The following WRAP53 variants were observed in gnomAD, a reference collection of about 807,000 sequenced individuals.
WRAP53 encodes the protein WD repeat containing antisense to TP53.
In WRAP53, 28 loss-of-function variants were observed where a neutral mutation model predicts 56.6. The ratio of observed to expected loss-of-function variants is 0.50; its 90% CI spans 0.37 to 0.68. WRAP53 has a LOEUF of 0.68. Ranked by LOEUF, WRAP53 falls within the 30% of genes least tolerant of loss-of-function variation. The pLI is 0.00. For missense variants in WRAP53, 671 were observed against 715.5 expected, an observed-to-expected ratio of 0.94 and a Z score of 0.71; for synonymous variants, 283 against 283.4, an observed-to-expected ratio of 1.00 and a Z score of 0.01.
Position 7,702,251 on chromosome 17 carries a change from T to G in WRAP53, c.956-93T>G. 2.2e-6 allele frequency: 3 copies of G among 1,341,274 alleles called. No individual in the cohort carries two copies. The highest frequency in any genetic ancestry group is 3.2e-6 in the Non-Finnish European group (3 of 935,734). 83.1% of individuals were successfully genotyped at this position (1,341,274 alleles called of 1,614,324 possible). On this transcript the variant is annotated intron_variant, in intron 7 of 10. Coordinates refer to ENST00000396463, the MANE Select transcript of WRAP53 (RefSeq NM_001143992.2). This position sits in a 1 kb window ranked among gnomAD's most constrained non-coding sequence, Gnocchi z 5.0. ...ATGGGGGGGATGTTGAGTCCAAGCA[T>G]GTTGGTGCTGGGACGGGAGACAGAC...
intron 4 of WRAP53, among the ~76,000 whole-genome samples, chr17:7,699,426 T>C (rs2074227729): frequency 1.0e-5 from 1 of 99,026 alleles, no homozygotes; most frequent in Non-Finnish European, 2.0e-5. Flanking sequence ...CCTTTAAAAT[T>C]AAAAAAAAAA....
Position 7,689,772 on chromosome 17 carries a change from G to A in WRAP53, c.642+71G>A, listed in dbSNP as rs2074084527. On this transcript the variant is annotated intron_variant, in intron 4 of 10. Coordinates refer to ENST00000396463, the MANE Select transcript of WRAP53 (RefSeq NM_001143992.2). Reference sequence around the variant, plus strand: ...AGTCCTTCGTGGAGATGGAAAAAGTGTAGTCCAAGTGTTTCCTGTTCACAA... The same window carrying A: ...AGTCCTTCGTGGAGATGGAAAAAGTATAGTCCAAGTGTTTCCTGTTCACAA... 5.5e-6 allele frequency: 7 copies of A among 1,267,286 alleles called. No individual in the cohort carries two copies. The Admixed American group carries it at 7.5e-5, about 14-fold the overall frequency. 78.5% of individuals were successfully genotyped at this position (1,267,286 alleles called of 1,614,324 possible). A position where few individuals can be genotyped will look rare whatever the true frequency, so the allele number is the denominator to read the frequency against.
chr17:7,686,865 A>T (rs555250750), upstream of WRAP53: 6 of 153,502 alleles, frequency 3.9e-5, no homozygotes, highest in South Asian at 1.2e-3. Flanking sequence ...TCCAGGAAGG[A>T]CAAAGGTCCG....
In WRAP53 at chr17:7,703,348, C is replaced by G. The variant is rs1191339598; in HGVS notation, c.1509C>G (p.Leu503=). ...DEGEELGLPL[L]STRHVHLECR... ...GAGAGGAGCTGGGCCTTCCCTTGCT[C>G]TCCACGCGCCACGTCCACCTTGAAT... is the stretch of plus-strand genomic sequence containing the variant. Residue 503 remains leucine, a synonymous_variant, in exon 11 of 11, where the codon CTC becomes CTG. Coordinates refer to ENST00000396463, the MANE Select transcript of WRAP53 (RefSeq NM_001143992.2). 2.5e-6 allele frequency: 4 copies of G among 1,614,002 alleles called. No homozygotes were observed. The highest frequency in any genetic ancestry group is 1.7e-5 in the Admixed American group (1 of 60,014).
chr17:7,687,261 C>T (rs1399429387), upstream of WRAP53: 1 of 398,236 alleles, frequency 2.5e-6, no homozygotes, highest in African/African-American at 2.1e-5. Flanking sequence ...CACCCCCAAA[C>T]TCGCTAAGTC....
chr17:7,703,473 G>C lies in WRAP53; in HGVS notation c.1634G>C (p.Gly545Ala). ...KGQGGTEGGV[G>A]ELI ...CAGGGAGGAACGGAGGGAGGTGTGG[G>C]TGAGCTGATATAAAAAGGTTTTTAT... is the stretch of plus-strand genomic sequence containing the variant. The change falls in exon 11 of 11, where the codon GGT becomes GCT. Residue 545 changes from glycine to alanine, a missense_variant. Gly to Ala is a moderately conservative substitution (Grantham distance 60). Around this residue, in one of 3 missense-constraint regions of WRAP53, gnomAD observed 107 missense variants for 81.3 expected, o/e 1.32. Coordinates refer to ENST00000396463, the MANE Select transcript of WRAP53 (RefSeq NM_001143992.2). 1 of 1,613,250 alleles carries C rather than the reference G, an allele frequency of 6.2e-7. No individual in the cohort carries two copies.
At chr17:7,692,338 G>C (rs1377780390) in intron 4 of WRAP53, among the ~76,000 whole-genome samples, 4 of 151,706 alleles carry the variant, frequency 2.6e-5, no homozygotes, top group Non-Finnish European at 5.9e-5. Context: ...AATTAGTTGG[G>C]GCTGGGTGCG....
In WRAP53 at chr17:7,702,225, C is replaced by T. The variant is rs1158808545; in HGVS notation, c.956-119C>T. 8 of 1,080,460 alleles carry T rather than the reference C, an allele frequency of 7.4e-6. No individual in the cohort carries two copies. Among genetic ancestry groups the T allele is most frequent in the Non-Finnish European group, 1.1e-5 (8 of 713,178 alleles). The allele number at this position is 1,080,460 out of a possible 1,614,324, so 66.9% of individuals were successfully genotyped here. Reference sequence around the variant, plus strand: ...TCTTTGTCCTGCTTGTGACAGACAGCATGGGGGGGATGTTGAGTCCAAGCA... The same window carrying T: ...TCTTTGTCCTGCTTGTGACAGACAGTATGGGGGGGATGTTGAGTCCAAGCA... On this transcript the variant is annotated intron_variant, in intron 7 of 10. Coordinates refer to ENST00000396463, the MANE Select transcript of WRAP53 (RefSeq NM_001143992.2). This position sits in a 1 kb window ranked among gnomAD's most constrained non-coding sequence, Gnocchi z 5.0.
At chr17:7,698,866 A>G (rs1014554968) in intron 4 of WRAP53, among the ~76,000 whole-genome samples, 3 of 145,828 alleles carry the variant, frequency 2.1e-5, no homozygotes, top group African/African-American at 8.1e-5. Context: ...ACAGAGCGAG[A>G]CTCCGTCAAA....
chr17:7,697,640 CAGAG>C (rs890105570), intron 4 of WRAP53, among the ~76,000 whole-genome samples: 1 of 151,128 alleles, frequency 6.6e-6, no homozygotes, highest in Non-Finnish European at 1.5e-5. Flanking sequence ...GCTTGGGGAA[CAGAG>C]AAAGACTCTG....
chr17:7,693,291 T>G (rs2074139468), intron 4 of WRAP53, among the ~76,000 whole-genome samples: 1 of 152,018 alleles, frequency 6.6e-6, no homozygotes, highest in African/African-American at 2.4e-5. Context: ...TAATTTGAAA[T>G]GAGACCAGTT....
At chr17:7,693,638 T>A (rs1026688014) in intron 4 of WRAP53, among the ~76,000 whole-genome samples, 1 of 151,944 alleles carries the variant, frequency 6.6e-6, no homozygotes, top group African/African-American at 2.4e-5. Flanking sequence ...GAGAATTGCT[T>A]GAATCCAGGA....
intron 4 of WRAP53, among the ~76,000 whole-genome samples, chr17:7,690,769 G>A (rs1031727764): frequency 6.6e-6 from 1 of 151,634 alleles, no homozygotes; most frequent in Non-Finnish European, 1.5e-5. Flanking sequence ...AAAATTAGAC[G>A]CATGTGGTGG....
rs773634281 is a variant in WRAP53 at position 7,703,135 on chromosome 17, G to C, written c.1403+8G>C. 1 of 1,614,090 alleles carries C rather than the reference G, an allele frequency of 6.2e-7. No individual in the cohort carries two copies. The highest frequency in any genetic ancestry group is 8.5e-7 in the Non-Finnish European group (1 of 1,180,034). On this transcript the variant is annotated splice_region_variant and intron_variant, in intron 10 of 10. Coordinates refer to ENST00000396463, the MANE Select transcript of WRAP53 (RefSeq NM_001143992.2). ...CTGCACCAATGGCGTGAGGTCCTCA[G>C]TTCAATTCCAGAGATGTTGGGGCTT...
In WRAP53 at chr17:7,701,894, C is replaced by T; in HGVS notation, c.955+105C>T. 1 of 1,521,664 alleles carries T rather than the reference C, an allele frequency of 6.6e-7. No individual in the cohort carries two copies. Among genetic ancestry groups the T allele is most frequent in the Non-Finnish European group, 8.9e-7 (1 of 1,129,020 alleles). The allele number at this position is 1,521,664 out of a possible 1,614,324, so 94.3% of individuals were successfully genotyped here. A position where few individuals can be genotyped will look rare whatever the true frequency, so the allele number is the denominator to read the frequency against. On this transcript the variant is annotated intron_variant, in intron 7 of 10. Transcript: ENST00000396463. The surrounding 1 kb of genome is among the most constrained non-coding windows in gnomAD (Gnocchi z 4.2). ...CACCTGTGGGGGTTCACGCCGTCCT[C>T]TGTACGGCCCCGGGAGCAGGTGCAG...
intron 4 of WRAP53, among the ~76,000 whole-genome samples, chr17:7,699,520 ATTTATATATATATATATAT>A (rs2074244856): frequency 2.7e-4 from 6 of 22,580 alleles, no homozygotes; most frequent in Admixed American, 7.6e-4. Flanking sequence ...ATATATATAT[ATTTATATATATATATATAT>A]TCCTAAGGAA....
upstream of WRAP53, chr17:7,688,311 A>G (rs747300674): frequency 1.4e-5 from 5 of 366,852 alleles, no homozygotes; most frequent in Non-Finnish European, 2.5e-5. Context: ...GAGGAGCCCT[A>G]GGGCTTGATG....
chr17:7,699,500 A>ATATT (rs1359392928), intron 4 of WRAP53, among the ~76,000 whole-genome samples: 5 of 29,532 alleles, frequency 1.7e-4, no homozygotes, highest in Non-Finnish European at 2.7e-4. Context: ...ATATATATAT[A>ATATT]TTTATATATA....
At position 7,688,566 on chromosome 17, in the gene WRAP53, G is replaced by A. The variant is rs1597402809; in HGVS notation, c.-2+5G>A. 6.6e-7 allele frequency: 1 copy of A among 1,505,946 alleles called. No individual in the cohort carries two copies. The highest frequency in any genetic ancestry group is 2.4e-5 in the East Asian group (1 of 41,900). The allele number at this position is 1,505,946 out of a possible 1,614,324, so 93.3% of individuals were successfully genotyped here. A position where few individuals can be genotyped will look rare whatever the true frequency, so the allele number is the denominator to read the frequency against. On this transcript the variant is annotated splice_donor_5th_base_variant and intron_variant, in intron 1 of 10. Transcript: ENST00000396463. ...CAGAAGAGGAGGGAAGCACAGGTGGGTTTCTTTAGCTCTGCGTCGGATCCC... is the reference window on the plus strand; with the variant it reads ...CAGAAGAGGAGGGAAGCACAGGTGGATTTCTTTAGCTCTGCGTCGGATCCC...
Sources: allele counts gnomAD v4.1 joint callset (sites outside exome capture counted in the v4.1 genomes callset), GRCh38; gene constraint gnomAD v4.1.1; regional missense constraint gnomAD v4.1.1; non-coding constraint Gnocchi (gnomAD v3.1); transcripts MANE v1.5; gene names NCBI Gene and HGNC (gene_info 2026-07-23, HGNC 2026-07-21).